Variants in TBX1 observed in about 807,000 individuals in gnomAD.
TBX1 encodes T-box transcription factor 1.
Under a neutral mutation model 40.8 loss-of-function variants are expected in TBX1, and 16 were observed. The observed-to-expected ratio is 0.39, with a 90% confidence interval of 0.27 to 0.60. The LOEUF (loss-of-function observed/expected upper bound fraction) is 0.60. Ranked by LOEUF, TBX1 falls within the 20% of genes least tolerant of loss-of-function variation. The pLI is 0.51. For missense variants in TBX1, 755 were observed against 728.5 expected, an observed-to-expected ratio of 1.04 and a Z score of -0.42; for synonymous variants, 403 against 336.8, an observed-to-expected ratio of 1.20 and a Z score of -2.15.
At chr22:19,775,785 G>A (rs1937055740) in intron 8 of TBX1, among the ~76,000 whole-genome samples, 1 of 152,204 alleles carries the variant, frequency 6.6e-6, no homozygotes, top group Non-Finnish European at 1.5e-5. Context: ...CGGTGCCCCA[G>A]GGCCCTCTCC....
At position 19,767,231 on chromosome 22, in the gene TBX1, C is replaced by T; in HGVS notation, c.*364C>T. The T allele has an allele frequency of 2.8e-6, 3 of 1,066,846 alleles. No individual in the cohort carries two copies. The highest frequency in any genetic ancestry group is 3.4e-6 in the Non-Finnish European group (3 of 884,016). The allele number at this position is 1,066,846 out of a possible 1,614,324, so 66.1% of individuals were successfully genotyped here. ...CGGCCGGCAGTTGCAGTGTAGACAGCCCGAGAGCCCCGCCTGCAGGCGGTG... is the reference window on the plus strand; with the variant it reads ...CGGCCGGCAGTTGCAGTGTAGACAGTCCGAGAGCCCCGCCTGCAGGCGGTG... On this transcript the variant is annotated 3_prime_UTR_variant, in exon 7 of 7. Coordinates refer to ENST00000649276, the MANE Select transcript of TBX1 (RefSeq NM_001379200.1).
Position 19,766,873 on chromosome 22 carries a change from G to T in TBX1, c.*6G>T. 2 of 1,585,574 alleles carry T rather than the reference G, an allele frequency of 1.3e-6. No homozygotes were observed. Among genetic ancestry groups the T allele is most frequent in the Non-Finnish European group, 1.7e-6 (2 of 1,174,244 alleles). On this transcript the variant is annotated 3_prime_UTR_variant, in exon 7 of 7. Transcript: ENST00000649276. ...ACGACTATTGCCCCAGATAACACGG[G>T]CCCTGTCGCGCTCCCGCCCCGGTCC...
chr22:19,761,380 G>C (rs1468558206), intron 1 of TBX1, 100 bp downstream of exon 1: 2 of 1,294,348 alleles, frequency 1.5e-6, no homozygotes, highest in Non-Finnish European at 2.0e-6. Flanking sequence ...AAGCCGGGTC[G>C]GGGGCGCGGC....
At chr22:19,758,906 C>T (rs1298248897), upstream of TBX1, among the ~76,000 whole-genome samples, 2 of 152,168 alleles carry the variant, frequency 1.3e-5, no homozygotes, top group Non-Finnish European at 1.5e-5. Context: ...TGTCCTGCTG[C>T]GCCAAGGAAC....
chr22:19,769,386 C>G (rs527756502), downstream of TBX1, among the ~76,000 whole-genome samples: 1 of 152,366 alleles, frequency 6.6e-6, no homozygotes, highest in South Asian at 2.1e-4. Context: ...CACTCCCACG[C>G]TGGGCAGTGG....
intron 8 of TBX1, among the ~76,000 whole-genome samples, chr22:19,777,935 T>TA (rs1937092617): frequency 6.6e-6 from 1 of 151,822 alleles, no homozygotes; most frequent in Admixed American, 6.6e-5. Flanking sequence ...AATTTTTAAG[T>TA]TTTTTGTGGA....
In TBX1 at chr22:19,766,805, G is replaced by A. The variant is rs2145839630; in HGVS notation, c.1453G>A (p.Ala485Thr). ...CGCCGCTGCCGCAGCTGCCGCGGCC[G>A]CCAACATGTACTCGTCGGCCGGAGC... The part of the protein sequence containing the change: ...AAAAAAAAAA[A>T]NMYSSAGAAP... The change falls in exon 7 of 7, where the codon GCC (alanine) becomes ACC (threonine). Residue 485 changes from alanine (A) to threonine (T), a missense_variant. Transcript: ENST00000649276. 3 of 1,526,588 alleles carry A rather than the reference G, an allele frequency of 2.0e-6. No homozygotes were observed. Among genetic ancestry groups the A allele is most frequent in the South Asian group, 2.4e-5 (2 of 82,630 alleles). The allele number at this position is 1,526,588 out of a possible 1,614,324, so 94.6% of individuals were successfully genotyped here. A position where few individuals can be genotyped will look rare whatever the true frequency, so the allele number is the denominator to read the frequency against.
intron 4 of TBX1, among the ~76,000 whole-genome samples, 173 bp from the exon 5 acceptor site, chr22:19,765,585 C>G (rs1936805138): frequency 6.6e-6 from 1 of 152,146 alleles, no homozygotes; most frequent in Non-Finnish European, 1.5e-5. Flanking sequence ...CCCCCGCCCC[C>G]CTGCAGGAGG....
At chr22:19,776,167 C>G (rs1937061854) in intron 8 of TBX1, among the ~76,000 whole-genome samples, 1 of 152,084 alleles carries the variant, frequency 6.6e-6, no homozygotes, top group Non-Finnish European at 1.5e-5. Context: ...AGTGCTGTGG[C>G]CCGTGTCCAC....
At position 19,767,217 on chromosome 22, in the gene TBX1, T is replaced by C; in HGVS notation, c.*350T>C. Reference sequence around the variant, plus strand: ...CGTCGCCCGCGGCCCGGCCGGCAGTTGCAGTGTAGACAGCCCGAGAGCCCC... The same window carrying C: ...CGTCGCCCGCGGCCCGGCCGGCAGTCGCAGTGTAGACAGCCCGAGAGCCCC... On this transcript the variant is annotated 3_prime_UTR_variant, in exon 7 of 7. Coordinates refer to ENST00000649276, the MANE Select transcript of TBX1 (RefSeq NM_001379200.1). 9.2e-7 allele frequency: 1 copy of C among 1,091,854 alleles called. No individual in the cohort carries two copies. Among genetic ancestry groups the C allele is most frequent in the Non-Finnish European group, 1.1e-6 (1 of 899,486 alleles). 67.6% of individuals were successfully genotyped at this position (1,091,854 alleles called of 1,614,324 possible).
At chr22:19,760,622 G>A (rs1429209754), upstream of TBX1, among the ~76,000 whole-genome samples, 1 of 109,370 alleles carries the variant, frequency 9.1e-6, no homozygotes, top group Non-Finnish European at 1.9e-5. Flanking sequence ...GAGGGGGAAG[G>A]GGCGGGGGAG....
At chr22:19,777,003 T>C (rs559924827) in intron 8 of TBX1, among the ~76,000 whole-genome samples, 36 of 152,282 alleles carry the variant, frequency 2.4e-4, no homozygotes, top group African/African-American at 7.9e-4. Flanking sequence ...CTCAATCCCA[T>C]ACGCTACAGA....
chr22:19,763,544 C>A (rs933787517), intron 2 of TBX1: 3 of 602,798 alleles, frequency 5.0e-6, no homozygotes, highest in Admixed American at 5.3e-5. Context: ...TCAGAACCCG[C>A]CTCTGGAGCC....
intron 8 of TBX1, among the ~76,000 whole-genome samples, chr22:19,776,103 T>C (rs1465936423): frequency 1.3e-5 from 2 of 152,144 alleles, no homozygotes. Context: ...CACCCATGGC[T>C]GCTAGTGCCC....
At chr22:19,763,575 G>T in intron 2 of TBX1, 1 of 568,592 alleles carries the variant, frequency 1.8e-6, no homozygotes, top group Non-Finnish European at 3.2e-6. Flanking sequence ...GACAGCTCTT[G>T]CTCCCCTGGG....
rs1230762002 is a variant in TBX1 at position 19,766,873 on chromosome 22, G to A, written c.*6G>A. On this transcript the variant is annotated 3_prime_UTR_variant, in exon 7 of 7. Transcript: ENST00000649276. ...ACGACTATTGCCCCAGATAACACGG[G>A]CCCTGTCGCGCTCCCGCCCCGGTCC... 12 of 1,585,456 alleles carry A rather than the reference G, an allele frequency of 7.6e-6. No individual in the cohort carries two copies. Among genetic ancestry groups the A allele is most frequent in the African/African-American group, 2.7e-5 (2 of 73,520 alleles).
chr22:19,771,160 C>T (rs1936983851), downstream of TBX1, among the ~76,000 whole-genome samples: 1 of 152,208 alleles, frequency 6.6e-6, no homozygotes, highest in African/African-American at 2.4e-5. Context: ...CAAGCTCCTT[C>T]ACCCCCCGCC....
Position 19,779,464 on chromosome 22 carries a change from C to T in TBX1, c.*57C>T. The T allele has an allele frequency of 2.5e-6, 4 of 1,610,646 alleles. No homozygotes were observed. The South Asian group carries it at 4.4e-5, about 18-fold the overall frequency. ...TGTCGTGTTTCCCTTCACTTTGGTT[C>T]ATGTTTGAAATTTCCAAAATTAAAA... is the stretch of plus-strand genomic sequence containing the variant. On this transcript the variant is annotated 3_prime_UTR_variant, in exon 9 of 9. Coordinates refer to the TBX1 transcript ENST00000329705.
chr22:19,770,312 A>T (rs1188066496), downstream of TBX1, among the ~76,000 whole-genome samples: 1 of 152,140 alleles, frequency 6.6e-6, no homozygotes, highest in East Asian at 1.9e-4. Context: ...CCCCCTTCAC[A>T]CCACTGCATC....
Sources: allele counts gnomAD v4.1 joint callset (sites outside exome capture counted in the v4.1 genomes callset), GRCh38; gene constraint gnomAD v4.1.1; transcripts MANE v1.5; gene names NCBI Gene and HGNC (gene_info 2026-07-23, HGNC 2026-07-21).